SH2D1A: variants seen among roughly 807,000 people sequenced by gnomAD.
SH2D1A encodes SH2 domain containing 1A.
In SH2D1A, 6 loss-of-function variants were observed where a neutral mutation model predicts 10.1. The ratio of observed to expected loss-of-function variants is 0.60; its 90% CI spans 0.33 to 1.18. The LOEUF is 1.18. Ranked by LOEUF, SH2D1A falls within the 50% of genes most tolerant of loss-of-function variation. The probability of loss-of-function intolerance (pLI) is 0.04; values close to 1 mark genes in which losing one functional copy is unlikely to be tolerated. For synonymous variants in SH2D1A, 42 were observed against 36.9 expected (o/e 1.14, Z -0.51); for missense variants, 51 against 97.6 (o/e 0.52, Z 2.01).
intron 1 of SH2D1A, among the ~76,000 whole-genome samples, chrX:124,355,707 TG>T (rs1206144804): frequency 9.0e-6 from 1 of 111,491 alleles, no homozygotes; most frequent in Non-Finnish European, 1.9e-5. Flanking sequence ...TAATTCTGCT[TG>T]TTTTTCTTAA....
At chrX:124,363,629 C>T (rs1162058525) in intron 1 of SH2D1A, among the ~76,000 whole-genome samples, 2 of 110,725 alleles carry the variant, frequency 1.8e-5, no homozygotes, top group East Asian at 2.8e-4. Context: ...TGTGATGGCT[C>T]GCACCTATAA....
chrX:124,365,701 A>G, intron 1 of SH2D1A, 60 bp from the exon 2 acceptor site: 4 of 762,010 alleles, frequency 5.2e-6, no homozygotes, highest in Non-Finnish European at 6.2e-6. Flanking sequence ...TTAAGCTCAA[A>G]TTTAAAGTAT....
At chrX:124,366,915 ACACACG>A (rs2060056839) in intron 2 of SH2D1A, among the ~76,000 whole-genome samples, 1 of 106,548 alleles carries the variant, frequency 9.4e-6, no homozygotes, top group African/African-American at 3.6e-5. Flanking sequence ...ACACACACAC[ACACACG>A]TTTGTATATT....
rs1256736936 is a variant in SH2D1A at position 124,372,204 on chromosome X, T to C, written c.*813T>C. ...TAACTGATTTGTAACAAGCCTCCTTTTAAAGTAACCCTACAAAACCACTGG... is the reference window on the plus strand; with the variant it reads ...TAACTGATTTGTAACAAGCCTCCTTCTAAAGTAACCCTACAAAACCACTGG... On this transcript the variant is annotated 3_prime_UTR_variant, in exon 4 of 4. Transcript: ENST00000371139. 1 of 164,538 alleles carries C rather than the reference T, an allele frequency of 6.1e-6. No homozygotes were observed. The highest frequency in any genetic ancestry group is 1.2e-5 in the Non-Finnish European group (1 of 85,691). The allele number at this position is 164,538 out of a possible 1,213,427, so 13.6% of individuals were successfully genotyped here.
At chrX:124,366,315 C>T (rs1263333046) in intron 2 of SH2D1A, among the ~76,000 whole-genome samples, 1 of 111,087 alleles carries the variant, frequency 9.0e-6, no homozygotes, top group Non-Finnish European at 1.9e-5. Context: ...CTGGTCTCCC[C>T]TCCTCTCTGA....
intron 1 of SH2D1A, among the ~76,000 whole-genome samples, chrX:124,349,441 T>C (rs947525227): frequency 3.6e-5 from 4 of 111,635 alleles, no homozygotes; most frequent in Non-Finnish European, 5.7e-5. Flanking sequence ...AGAACACTTA[T>C]GATATGCAGT....
In SH2D1A at chrX:124,349,663, A is replaced by G. The variant is rs1006677224; in HGVS notation, c.137+2884A>G. On this transcript the variant is annotated intron_variant, in intron 1 of 3. Coordinates refer to ENST00000371139, the MANE Select transcript of SH2D1A (RefSeq NM_002351.5). ...GCCTTCAAACTGTACTTTAAACTGT[A>G]CTTTCAAACGATGCTTGCCCTTTTC... 2.7e-5 allele frequency among the ~76,000 whole-genome samples: 3 copies of G among 111,054 alleles called. No individual in the cohort carries two copies. In the Admixed American group the frequency reaches 2.9e-4, roughly 11 times the overall value.
intron 1 of SH2D1A, among the ~76,000 whole-genome samples, chrX:124,350,675 TATAATATATTATATATTGTATATAAG>T (rs1569527229): frequency 2.8e-5 from 1 of 35,569 alleles, no homozygotes; most frequent in Non-Finnish European, 3.9e-5. Context: ...GTATATAAGA[TATAATATATTATATATTGTATATAAG>T]ATAATATATT....
Position 124,346,609 on chromosome X carries a change from C to G in SH2D1A, c.-34C>G. ...GCAGCGGCATCTCCCTTGCACAGTT[C>G]TCCTCCTCGGCCTGCCCAAGAGTCC... On this transcript the variant is annotated 5_prime_UTR_variant, in exon 1 of 4. Transcript: ENST00000371139. 8.3e-7 allele frequency: 1 copy of G among 1,209,783 alleles called. No individual in the cohort carries two copies. The highest frequency in any genetic ancestry group is 1.7e-5 in the African/African-American group (1 of 57,876).
intron 1 of SH2D1A, among the ~76,000 whole-genome samples, chrX:124,360,052 C>T (rs2147527708): frequency 9.1e-6 from 1 of 110,338 alleles, no homozygotes; most frequent in Admixed American, 9.7e-5. Context: ...ATTACAGGTG[C>T]CCACCACCAC....
chrX:124,354,831 T>C (rs374491823), intron 1 of SH2D1A, among the ~76,000 whole-genome samples: 31 of 112,361 alleles, frequency 2.8e-4, no homozygotes, highest in African/African-American at 1.0e-3. Flanking sequence ...GAAGTGGTTA[T>C]ATTTATTTTC....
Position 124,346,608 on chromosome X carries a change from TCTC to T in SH2D1A, c.-28_-26del, listed in dbSNP as rs755671673. 1.7e-6 allele frequency: 2 copies of T among 1,209,265 alleles called. No individual in the cohort carries two copies. The highest frequency in any genetic ancestry group is 3.0e-5 in the East Asian group (1 of 33,805). On this transcript the variant is annotated 5_prime_UTR_variant, in exon 1 of 4. Transcript: ENST00000371139. ...AGCAGCGGCATCTCCCTTGCACAGT[TCTC>T]CTCCTCGGCCTGCCCAAGAGTCCAC...
intron 3 of SH2D1A, among the ~76,000 whole-genome samples, chrX:124,370,562 G>A (rs2147534281): frequency 8.9e-6 from 1 of 111,995 alleles, no homozygotes; most frequent in African/African-American, 3.2e-5. Flanking sequence ...CATTTTAACT[G>A]CTCTTGTCTG....
chrX:124,368,660 C>T (rs1042708948), intron 2 of SH2D1A, among the ~76,000 whole-genome samples: 17 of 112,402 alleles, frequency 1.5e-4, no homozygotes, highest in African/African-American at 5.5e-4. Context: ...TTTGGGCAAG[C>T]TGATTAATTT....
At chrX:124,349,463 T>C (rs1468001959) in intron 1 of SH2D1A, among the ~76,000 whole-genome samples, 1 of 111,645 alleles carries the variant, frequency 9.0e-6, no homozygotes. Context: ...GAAATAACAA[T>C]ATAAGTGGTA....
chrX:124,356,173 G>A (rs765561221), intron 1 of SH2D1A, among the ~76,000 whole-genome samples: 2 of 107,684 alleles, frequency 1.9e-5, no homozygotes, highest in Admixed American at 1.0e-4. Flanking sequence ...CTGTCCTTGC[G>A]ATAGTTTGCT....
At chrX:124,366,099 T>TACAA (rs1556620726) in intron 2 of SH2D1A, among the ~76,000 whole-genome samples, 5 of 109,063 alleles carry the variant, frequency 4.6e-5, no homozygotes, top group South Asian at 4.0e-4. Flanking sequence ...TGTGAAATCT[T>TACAA]AGCATATCAA....
intron 1 of SH2D1A, among the ~76,000 whole-genome samples, chrX:124,350,296 A>T (rs1176030430): frequency 6.0e-5 from 2 of 33,441 alleles, no homozygotes; most frequent in Non-Finnish European, 9.1e-5. Context: ...ATAATATATA[A>T]TATATAAATA....
chrX:124,356,238 C>G (rs1003611365), intron 1 of SH2D1A, among the ~76,000 whole-genome samples: 217 of 110,155 alleles, frequency 2.0e-3, no homozygotes, highest in African/African-American at 6.9e-3. Context: ...TGAACTCATC[C>G]TTTTTTATGG....
Sources: allele counts gnomAD v4.1 joint callset (sites outside exome capture counted in the v4.1 genomes callset), GRCh38; gene constraint gnomAD v4.1.1; transcripts MANE v1.5; gene names NCBI Gene and HGNC (gene_info 2026-07-23, HGNC 2026-07-21).